Variants in ANAPC10 observed in about 807,000 individuals in gnomAD.
The protein encoded by ANAPC10 is anaphase-promoting complex subunit 10.
A neutral mutation model predicts 22.0 loss-of-function variants in ANAPC10; 12 were observed. That is an observed-to-expected ratio of 0.55 (90% confidence interval 0.35 to 0.88). The LOEUF is 0.88. Ranked by LOEUF, ANAPC10 falls within the 40% of genes least tolerant of loss-of-function variation. The pLI is 0.01. For missense variants in ANAPC10, 188 were observed against 220.9 expected, an observed-to-expected ratio of 0.85 and a Z score of 0.94; for synonymous variants, 65 against 69.5, an observed-to-expected ratio of 0.94 and a Z score of 0.32.
chr4:145,071,351 A>T (rs1264906883), intron 3 of ANAPC10, among the ~76,000 whole-genome samples: 1 of 152,238 alleles, frequency 6.6e-6, no homozygotes, highest in Non-Finnish European at 1.5e-5. Context: ...GGTTGCAGTG[A>T]GCCAAGATCG....
chr4:145,014,484 T>C (rs1246583289), intron 4 of ANAPC10, among the ~76,000 whole-genome samples: 4 of 151,934 alleles, frequency 2.6e-5, no homozygotes, highest in Admixed American at 2.6e-4. Context: ...TGCCCCTACC[T>C]GATGGTCCTT....
intron 4 of ANAPC10, among the ~76,000 whole-genome samples, chr4:145,044,970 CG>C (rs1042698030): frequency 1.3e-5 from 2 of 151,768 alleles, no homozygotes; most frequent in African/African-American, 4.8e-5. Flanking sequence ...TATAAACATT[CG>C]GAAGTTTTTT....
chr4:145,095,965 T>G lies in ANAPC10; in HGVS notation c.115+20A>C, dbSNP rs1553991139. The G allele has an allele frequency of 3.7e-6, 6 of 1,613,982 alleles. No homozygotes were observed. In the South Asian group the frequency reaches 4.4e-5, roughly 12 times the overall value. ...TGCAAGTGACTATTTCCAACAGCTT[T>G]TTTGTTTGTTAGTTTTTACCTGGTT... On this transcript the variant is annotated intron_variant, in intron 2 of 4. Coordinates refer to ENST00000507656, the MANE Select transcript of ANAPC10 (RefSeq NM_001256706.2).
chr4:145,080,829 C>T (rs1233334542), intron 3 of ANAPC10, among the ~76,000 whole-genome samples: 3 of 151,146 alleles, frequency 2.0e-5, no homozygotes, highest in South Asian at 2.1e-4. Flanking sequence ...ATCGCTTGAA[C>T]CTGGGAGGCG....
chr4:145,020,307 C>T (rs1735787671), intron 4 of ANAPC10, among the ~76,000 whole-genome samples: 1 of 152,108 alleles, frequency 6.6e-6, no homozygotes, highest in Non-Finnish European at 1.5e-5. Context: ...TGTGATACAC[C>T]ACATAAACAG....
rs922271022 is a variant in ANAPC10, at chr4:145,045,632, C to G, written c.327+18940G>C. Among the ~76,000 whole-genome samples, 7 of 152,058 alleles carry G rather than the reference C, an allele frequency of 4.6e-5. No homozygotes were observed. In the East Asian group the frequency reaches 1.3e-3, roughly 29 times the overall value. ...TACTCCACTTTTTTTCATATCACTT[C>G]TAACCCAAATGCACTCTCACATATA... On this transcript the variant is annotated intron_variant, in intron 4 of 4. Coordinates refer to ENST00000507656, the MANE Select transcript of ANAPC10 (RefSeq NM_001256706.2).
intron 4 of ANAPC10, among the ~76,000 whole-genome samples, chr4:145,012,164 ATGTG>A (rs201645751): frequency 7.2e-6 from 1 of 138,962 alleles, no homozygotes; most frequent in Non-Finnish European, 1.6e-5. Flanking sequence ...CTATATGTAT[ATGTG>A]TGTGTGTGTA....
intron 2 of ANAPC10, among the ~76,000 whole-genome samples, chr4:145,094,646 G>A (rs1748215649): frequency 6.6e-6 from 1 of 152,166 alleles, no homozygotes; most frequent in African/African-American, 2.4e-5. Context: ...AGTCCCTCAA[G>A]CTAAAGAAAT....
intron 2 of ANAPC10, among the ~76,000 whole-genome samples, chr4:145,087,774 C>T (rs1434792565): frequency 1.3e-5 from 2 of 152,094 alleles, no homozygotes; most frequent in Non-Finnish European, 2.9e-5. Context: ...AGGCCAGGCG[C>T]AATGACTCAT....
intron 4 of ANAPC10, among the ~76,000 whole-genome samples, chr4:145,009,171 C>T (rs188033255): frequency 1.8e-4 from 27 of 152,110 alleles, no homozygotes; most frequent in East Asian, 5.8e-4. Context: ...CACTCCTCAA[C>T]GAAATAAAAG....
intron 4 of ANAPC10, among the ~76,000 whole-genome samples, chr4:144,996,902 T>G (rs1343830544): frequency 6.6e-6 from 1 of 152,080 alleles, no homozygotes; most frequent in Non-Finnish European, 1.5e-5. Flanking sequence ...AATGACCCCA[T>G]GAAGCTGAAA....
At chr4:145,086,937 C>T in intron 2 of ANAPC10, among the ~76,000 whole-genome samples, 1 of 151,992 alleles carries the variant, frequency 6.6e-6, no homozygotes, top group East Asian at 1.9e-4. Flanking sequence ...TCTCTCCCCA[C>T]TCTCCATGGG....
intron 4 of ANAPC10, among the ~76,000 whole-genome samples, chr4:145,039,661 C>CT (rs1250377940): frequency 6.6e-6 from 1 of 151,962 alleles, no homozygotes; most frequent in Non-Finnish European, 1.5e-5. Flanking sequence ...GTGGCTAGAT[C>CT]TTGGAGCACT....
chr4:145,030,495 G>A (rs902765132), intron 4 of ANAPC10, among the ~76,000 whole-genome samples: 6 of 152,168 alleles, frequency 3.9e-5, no homozygotes, highest in Non-Finnish European at 8.8e-5. Context: ...GATTCCAGGG[G>A]ACCCAAAGAG....
At chr4:145,038,385 C>A (rs375397936) in intron 4 of ANAPC10, among the ~76,000 whole-genome samples, 1 of 151,994 alleles carries the variant, frequency 6.6e-6, no homozygotes, top group Admixed American at 6.6e-5. Context: ...TGGTGGTGCA[C>A]GCCTGTAATC....
At chr4:145,053,763 C>A in intron 4 of ANAPC10, 1 of 652,526 alleles carries the variant, frequency 1.5e-6, no homozygotes, top group East Asian at 2.8e-5. Flanking sequence ...ATTCTTCATT[C>A]ACATGTAAAA....
At chr4:145,027,353 CAAAA>C (rs1390936390) in intron 4 of ANAPC10, among the ~76,000 whole-genome samples, 1 of 151,620 alleles carries the variant, frequency 6.6e-6, no homozygotes, top group Non-Finnish European at 1.5e-5. Flanking sequence ...GACAGGAAAA[CAAAA>C]GAAGTAGAAA....
At chr4:145,076,668 T>A (rs1234212063) in intron 3 of ANAPC10, among the ~76,000 whole-genome samples, 1 of 152,148 alleles carries the variant, frequency 6.6e-6, no homozygotes, top group Non-Finnish European at 1.5e-5. Context: ...AACATTAAGA[T>A]GCAGATGGAA....
chr4:145,030,639 G>A (rs1303690863), intron 4 of ANAPC10, among the ~76,000 whole-genome samples: 2 of 152,190 alleles, frequency 1.3e-5, no homozygotes, highest in East Asian at 3.8e-4. Flanking sequence ...CATTTCCCCA[G>A]TGCCAGAATG....
Sources: allele counts gnomAD v4.1 joint callset (sites outside exome capture counted in the v4.1 genomes callset), GRCh38; gene constraint gnomAD v4.1.1; transcripts MANE v1.5; gene names NCBI Gene and HGNC (gene_info 2026-07-23, HGNC 2026-07-21).